The following CTNNA3 variants were observed in gnomAD, a reference collection of about 807,000 sequenced individuals.
The protein encoded by CTNNA3 is catenin alpha-3.
Under a neutral mutation model 95.7 loss-of-function variants are expected in CTNNA3, and 76 were observed. That is an observed-to-expected ratio of 0.79 (90% CI 0.66 to 0.96). The LOEUF (loss-of-function observed/expected upper bound fraction) is 0.96. CTNNA3 is among the 40% of genes least tolerant of loss of function. The probability of loss-of-function intolerance (pLI) is 0.00; values close to 1 mark genes in which losing one functional copy is unlikely to be tolerated. For synonymous variants in CTNNA3, 431 were observed against 374.4 expected (o/e 1.15, Z -1.74); for missense variants, 1,191 against 1,089.8 (o/e 1.09, Z -1.31).
At chr10:67,642,971 G>A (rs1839587458) in intron 2 of CTNNA3, among the ~76,000 whole-genome samples, 1 of 151,522 alleles carries the variant, frequency 6.6e-6, no homozygotes, top group African/African-American at 2.4e-5. Flanking sequence ...CCATTACTGG[G>A]TATATACCCA....
Position 67,711,167 on chromosome 10 carries a change from C to T in CTNNA3, c.-2+52267G>A, listed in dbSNP as rs1841105166. ...AAACCTCTTTCTTTTGCAAATTGCC[C>T]AGTATTGGGTATGTCTTTATCAGCA... On this transcript the variant is annotated intron_variant, in intron 1 of 17. Transcript: ENST00000684154. 2.0e-5 allele frequency among the ~76,000 whole-genome samples: 3 copies of T among 152,142 alleles called. 1 individual carries two copies. The South Asian group carries it at 6.2e-4, about 31-fold the overall frequency.
chr10:67,354,246 C>A (rs561440782), intron 5 of CTNNA3, among the ~76,000 whole-genome samples: 2 of 152,082 alleles, frequency 1.3e-5, no homozygotes, highest in South Asian at 4.1e-4. Flanking sequence ...TGACCAACTG[C>A]CTGTGTAGCA....
rs544163080 is a variant in CTNNA3 at position 67,151,892 on chromosome 10, G to A, written c.1047+28425C>T. ...ATAGGCCACTCCAGCCATTCCCCTA[G>A]GGGATAACATGCTGTGTCATCCCCT... On this transcript the variant is annotated intron_variant, in intron 7 of 17. Coordinates refer to ENST00000433211, the MANE Select transcript of CTNNA3 (RefSeq NM_013266.4). Among the ~76,000 whole-genome samples, 9 of 152,244 alleles carry A rather than the reference G, an allele frequency of 5.9e-5. No individual in the cohort carries two copies. In the South Asian group the frequency reaches 1.7e-3, roughly 28 times the overall value.
Position 66,927,830 on chromosome 10 carries a change from A to G in CTNNA3, c.1048-152306T>C, listed in dbSNP as rs372808697. On this transcript the variant is annotated intron_variant, in intron 7 of 17. Transcript: ENST00000433211. This position sits in a 1 kb window ranked among gnomAD's most constrained non-coding sequence, Gnocchi z 4.7. ...ATTTTGGATTCTTGGATATCCCTCA[A>G]TGACATCAGTCTTGCTGGGAATATA... is the stretch of plus-strand genomic sequence containing the variant. The G allele has an allele frequency of 1.2e-6, 2 of 1,614,218 alleles. No homozygotes were observed. The highest frequency in any genetic ancestry group is 1.7e-5 in the Admixed American group (1 of 60,030).
intron 13 of CTNNA3, among the ~76,000 whole-genome samples, chr10:66,117,526 A>C (rs940093817): frequency 6.6e-6 from 1 of 152,156 alleles, no homozygotes; most frequent in African/African-American, 2.4e-5. Context: ...GTAATGAAAG[A>C]TGAGCTTCAG....
At chr10:67,126,207 A>T (rs1263710619) in intron 7 of CTNNA3, among the ~76,000 whole-genome samples, 1 of 152,252 alleles carries the variant, frequency 6.6e-6, no homozygotes, top group Non-Finnish European at 1.5e-5. Flanking sequence ...AATGATAGAC[A>T]AACAAGACAG....
chr10:66,123,251 G>A (rs377404186), intron 13 of CTNNA3, among the ~76,000 whole-genome samples: 2 of 152,132 alleles, frequency 1.3e-5, no homozygotes, highest in Non-Finnish European at 2.9e-5. Flanking sequence ...TGGCCAAAAC[G>A]AAGGGGCTAC....
rs977370932 is a variant in CTNNA3 at position 66,359,619 on chromosome 10, C to T, written c.1732+19533G>A. ...AATAGCATCAATTAGGAGATACATG[C>T]ATACCTCTGTTCTGTTTTGCATTAA... On this transcript the variant is annotated intron_variant, in intron 12 of 17. Transcript: ENST00000433211. Among the ~76,000 whole-genome samples, 8 of 152,130 alleles carry T rather than the reference C, an allele frequency of 5.3e-5. No homozygotes were observed. The South Asian group carries it at 1.7e-3, about 32-fold the overall frequency.
intron 9 of CTNNA3, among the ~76,000 whole-genome samples, chr10:66,749,838 T>C (rs1182025684): frequency 2.0e-5 from 3 of 152,232 alleles, no homozygotes; most frequent in African/African-American, 7.2e-5. Context: ...CCACCAGCAA[T>C]GAATGACAAT....
chr10:66,379,055 C>T (rs759677851), intron 12 of CTNNA3, 97 bp downstream of exon 12: 4 of 1,052,338 alleles, frequency 3.8e-6, no homozygotes, highest in Non-Finnish European at 5.8e-6. Flanking sequence ...TCAAAAGAAG[C>T]AACACAGACT....
chr10:67,641,585 T>G (rs942386141), intron 2 of CTNNA3, among the ~76,000 whole-genome samples: 134 of 152,256 alleles, frequency 8.8e-4, no homozygotes, highest in African/African-American at 3.1e-3. Context: ...CTATTCACAA[T>G]AGCAAAGACT....
chr10:67,074,405 C>A (rs1856636816), intron 7 of CTNNA3, among the ~76,000 whole-genome samples: 1 of 123,344 alleles, frequency 8.1e-6, no homozygotes, highest in Non-Finnish European at 1.6e-5. Context: ...GGCTGAAGTG[C>A]AGTGGCACGA....
intron 9 of CTNNA3, among the ~76,000 whole-genome samples, chr10:66,678,904 C>A (rs894880145): frequency 6.6e-6 from 1 of 152,016 alleles, no homozygotes; most frequent in Non-Finnish European, 1.5e-5. Flanking sequence ...TCTGGGAGAG[C>A]AGCGCATGTA....
At chr10:67,209,065 G>C (rs1174323478) in intron 6 of CTNNA3, among the ~76,000 whole-genome samples, 1 of 149,750 alleles carries the variant, frequency 6.7e-6, no homozygotes, top group African/African-American at 2.5e-5. Context: ...TGTTGTTGTT[G>C]TTAAGACAGA....
At chr10:67,655,187 C>T (rs1839986734) in intron 1 of CTNNA3, among the ~76,000 whole-genome samples, 1 of 152,182 alleles carries the variant, frequency 6.6e-6, no homozygotes, top group Non-Finnish European at 1.5e-5. Flanking sequence ...ATGGTTTTAT[C>T]TGGAAATAAG....
chr10:66,357,320 C>G (rs1169301606), intron 12 of CTNNA3, among the ~76,000 whole-genome samples: 1 of 151,860 alleles, frequency 6.6e-6, no homozygotes, highest in African/African-American at 2.4e-5. Context: ...TCTTCAGTGA[C>G]TTTTTTTTGA....
intron 13 of CTNNA3, among the ~76,000 whole-genome samples, chr10:66,219,392 A>G (rs925095132): frequency 6.6e-6 from 1 of 152,144 alleles, no homozygotes; most frequent in Admixed American, 6.5e-5. Flanking sequence ...CCTATATTGT[A>G]TTAGGATCAG....
chr10:67,609,717 T>C (rs1308996687), intron 2 of CTNNA3, among the ~76,000 whole-genome samples: 1 of 152,168 alleles, frequency 6.6e-6, no homozygotes, highest in African/African-American at 2.4e-5. Flanking sequence ...ACACAAATAT[T>C]TGTTGGCATT....
intron 7 of CTNNA3, among the ~76,000 whole-genome samples, chr10:66,999,694 T>C (rs1851566669): frequency 1.3e-5 from 2 of 152,156 alleles, no homozygotes; most frequent in African/African-American, 4.8e-5. Context: ...AAAGTAGAAA[T>C]GAATAATGTA....
Sources: gnomAD v4.1 joint callset for allele counts (sites outside exome capture counted in the v4.1 genomes callset) on GRCh38, gnomAD v4.1.1 for gene constraint, Gnocchi (gnomAD v3.1) non-coding constraint, MANE v1.5 for transcripts, NCBI Gene and HGNC (gene_info 2026-07-23, HGNC 2026-07-21) for gene names.